CCNH: variants seen among roughly 807,000 people sequenced by gnomAD.
CCNH encodes the protein cyclin-H.
In CCNH, 31 loss-of-function variants were observed where a neutral mutation model predicts 41.9. That is an observed-to-expected ratio of 0.74 (90% CI 0.56 to 1.00). The LOEUF (loss-of-function observed/expected upper bound fraction) is 1.00. Ranked by LOEUF, CCNH falls within the 50% of genes least tolerant of loss-of-function variation. The pLI is 0.00. For missense variants in CCNH, 362 were observed against 388.4 expected (o/e 0.93, Z 0.57); for synonymous variants, 138 against 136.1 (o/e 1.01, Z -0.10).
At chr5:87,387,164 C>G (rs1191427296), downstream of CCNH, among the ~76,000 whole-genome samples, 2 of 152,060 alleles carry the variant, frequency 1.3e-5, no homozygotes, top group Non-Finnish European at 2.9e-5. Flanking sequence ...TAGGGTCTGT[C>G]TTGCTTTTCA....
At chr5:87,338,536 A>ATATATTTTTTTTT in intron 9 of CCNH, among the ~76,000 whole-genome samples, 64 of 85,204 alleles carry the variant, frequency 7.5e-4, no homozygotes, top group Non-Finnish European at 1.1e-3. Flanking sequence ...TATATATAAA[A>ATATATTTTTTTTT]TTTTTTTTTT....
At chr5:87,357,500 TCAAGACCATCC>T (rs2112442511) in intron 9 of CCNH, among the ~76,000 whole-genome samples, 2 of 152,266 alleles carry the variant, frequency 1.3e-5, no homozygotes, top group South Asian at 4.1e-4. Flanking sequence ...TAAGTTTTGA[TCAAGACCATCC>T]TGGCTAACAC....
chr5:87,338,536 A>ATATTTTTT lies in CCNH; in HGVS notation c.*91-19640_*91-19639insAAAAAATA. Among the ~76,000 whole-genome samples, 14 of 85,220 alleles carry ATATTTTTT rather than the reference A, an allele frequency of 1.6e-4. 1 individual carries two copies. Among genetic ancestry groups the ATATTTTTT allele is most frequent in the African/African-American group, 4.9e-4 (11 of 22,624 alleles). 55.9% of individuals were successfully genotyped at this position (85,220 alleles called of 152,430 possible). On this transcript the variant is annotated intron_variant and NMD_transcript_variant, in intron 9 of 9. Coordinates refer to the CCNH transcript ENST00000645953. ...ATATATATATATATATATATATAAA[A>ATATTTTTT]TTTTTTTTTTTTTTAAGTAGAAATG...
At chr5:87,372,175 T>A, downstream of CCNH, 1 of 1,613,688 alleles carries the variant, frequency 6.2e-7, no homozygotes. Flanking sequence ...TCCAGGGACA[T>A]CCAATAAACG....
chr5:87,342,627 T>C (rs779937758), intron 9 of CCNH, among the ~76,000 whole-genome samples: 34 of 152,258 alleles, frequency 2.2e-4, no homozygotes, highest in Non-Finnish European at 4.7e-4. Flanking sequence ...GTCCCTACTG[T>C]CAAAAAACAA....
rs754906693 is a variant in CCNH, at chr5:87,385,350, T to G, written c.*90+7420A>C. ...GAACACTGATATTAGTGGCTAAATC[T>G]GTGCAGAACTTAGCAAATCTTGTGG... On this transcript the variant is annotated intron_variant and NMD_transcript_variant, in intron 9 of 9. Coordinates refer to the CCNH transcript ENST00000645953. 6.2e-6 allele frequency: 10 copies of G among 1,611,150 alleles called. No individual in the cohort carries two copies. Among genetic ancestry groups the G allele is most frequent in the Middle Eastern group, 1.6e-4 (1 of 6,068 alleles).
intron 7 of CCNH, among the ~76,000 whole-genome samples, chr5:87,396,092 A>G (rs910740289): frequency 6.6e-6 from 1 of 151,020 alleles, no homozygotes; most frequent in Non-Finnish European, 1.5e-5. Flanking sequence ...ATTTTTTCTT[A>G]TTATTCCCTC....
intron 9 of CCNH, among the ~76,000 whole-genome samples, chr5:87,332,061 G>T (rs1431353940): frequency 6.6e-6 from 1 of 151,966 alleles, no homozygotes; most frequent in East Asian, 1.9e-4. Flanking sequence ...TGTACCCTTG[G>T]TTTTTAGATT....
At chr5:87,374,769 C>A, downstream of CCNH, 1 of 1,575,254 alleles carries the variant, frequency 6.3e-7, no homozygotes, top group Non-Finnish European at 8.6e-7. Flanking sequence ...TTATTTGATA[C>A]TAGAACTAAA....
chr5:87,344,633 A>T (rs566261040), intron 9 of CCNH, among the ~76,000 whole-genome samples: 1 of 151,466 alleles, frequency 6.6e-6, no homozygotes. Context: ...CCTCCCGAGT[A>T]GCTGAGACTA....
At chr5:87,408,228 G>T in intron 3 of CCNH, 42 bp from the exon 4 acceptor site, 1 of 959,660 alleles carries the variant, frequency 1.0e-6, no homozygotes, top group Non-Finnish European at 1.6e-6. Context: ...GGGGTGGGTG[G>T]GGTGGAAGAA....
intron 7 of CCNH, among the ~76,000 whole-genome samples, chr5:87,396,878 G>T (rs903110759): frequency 6.6e-6 from 1 of 152,144 alleles, no homozygotes; most frequent in Non-Finnish European, 1.5e-5. Context: ...ATGGATATAC[G>T]TGCAGAGAAA....
At chr5:87,396,341 G>T (rs1365812937) in intron 7 of CCNH, among the ~76,000 whole-genome samples, 1 of 152,170 alleles carries the variant, frequency 6.6e-6, no homozygotes, top group Admixed American at 6.5e-5. Flanking sequence ...CAAAAATGTG[G>T]CCAGGTGCAG....
At chr5:87,394,728 C>A in intron 8 of CCNH, 1 of 1,325,340 alleles carries the variant, frequency 7.5e-7, no homozygotes, top group Non-Finnish European at 9.6e-7. Flanking sequence ...TTTGACTTGA[C>A]AGATAGAAAA....
chr5:87,356,473 T>C (rs1759658808), intron 9 of CCNH, among the ~76,000 whole-genome samples: 1 of 151,978 alleles, frequency 6.6e-6, no homozygotes, highest in Non-Finnish European at 1.5e-5. Context: ...CACTGCAACC[T>C]TGAGCTCCTG....
chr5:87,368,343 AC>A (rs1760679905), intron 9 of CCNH, among the ~76,000 whole-genome samples: 1 of 151,942 alleles, frequency 6.6e-6, no homozygotes, highest in Non-Finnish European at 1.5e-5. Context: ...AATTCTTGTT[AC>A]CTATTTTCTT....
At chr5:87,370,023 C>T (rs891725033) in intron 9 of CCNH, 1 of 852,038 alleles carries the variant, frequency 1.2e-6, no homozygotes, top group African/African-American at 1.7e-5. Context: ...CTAATCATCT[C>T]TTATTTTAAG....
chr5:87,378,406 T>C (rs755011839), upstream of CCNH: 4 of 1,613,366 alleles, frequency 2.5e-6, no homozygotes, highest in Non-Finnish European at 2.5e-6. Context: ...ATGAAGCCAC[T>C]ACCCTATTTC....
downstream of CCNH, chr5:87,391,604 A>C (rs1762525555): frequency 4.3e-6 from 1 of 234,644 alleles, no homozygotes; most frequent in Non-Finnish European, 8.4e-6. Context: ...AAATAGTTTG[A>C]ATTCAGTAAA....
Sources: allele counts gnomAD v4.1 joint callset (sites outside exome capture counted in the v4.1 genomes callset), GRCh38; gene constraint gnomAD v4.1.1; transcripts MANE v1.5; gene names NCBI Gene and HGNC (gene_info 2026-07-23, HGNC 2026-07-21).